NXPE2: variants seen among roughly 807,000 people sequenced by gnomAD.
The protein encoded by NXPE2 is neurexophilin and PC-esterase domain family member 2.
Under a neutral mutation model 34.4 loss-of-function variants are expected in NXPE2, and 34 were observed. The ratio of observed to expected loss-of-function variants is 0.99; its 90% CI spans 0.75 to 1.31. The LOEUF (loss-of-function observed/expected upper bound fraction) is 1.31. Ranked by LOEUF, NXPE2 falls within the 40% of genes most tolerant of loss-of-function variation. The probability of loss-of-function intolerance (pLI) is 0.00; values close to 1 mark genes in which losing one functional copy is unlikely to be tolerated. For missense variants in NXPE2, 649 were observed against 672.5 expected, an observed-to-expected ratio of 0.97 and a Z score of 0.39; for synonymous variants, 235 against 231.3, an observed-to-expected ratio of 1.02 and a Z score of -0.15.
the NXPE2 span, among the ~76,000 whole-genome samples, chr11:114,613,532 T>C: frequency 2.7e-5 from 4 of 148,276 alleles, no homozygotes; most frequent in African/African-American, 1.0e-4. Context: ...TCGTGGGTAA[T>C]CACTGTTACC....
chr11:114,754,354 T>G, the NXPE2 span, among the ~76,000 whole-genome samples: 1 of 152,020 alleles, frequency 6.6e-6, no homozygotes, highest in Non-Finnish European at 1.5e-5. Flanking sequence ...AGAGGTAAAG[T>G]GTCATGGAGG....
chr11:114,781,785 A>G, the NXPE2 span, among the ~76,000 whole-genome samples: 2 of 152,114 alleles, frequency 1.3e-5, no homozygotes, highest in African/African-American at 2.4e-5. Context: ...CTCCACCAGG[A>G]GTACAAACAG....
At chr11:114,617,484 C>T in the NXPE2 span, among the ~76,000 whole-genome samples, 1 of 152,134 alleles carries the variant, frequency 6.6e-6, no homozygotes, top group Middle Eastern at 3.4e-3. Context: ...TCAAATGTTG[C>T]CTCGTGGGTA....
At chr11:114,507,045 C>A in the NXPE2 span, among the ~76,000 whole-genome samples, 2 of 151,872 alleles carry the variant, frequency 1.3e-5, no homozygotes, top group African/African-American at 4.8e-5. Context: ...GGGAATATTA[C>A]CACTGACCCA....
the NXPE2 span, among the ~76,000 whole-genome samples, chr11:114,769,302 C>A: frequency 6.6e-6 from 1 of 151,930 alleles, no homozygotes; most frequent in East Asian, 1.9e-4. Context: ...ATTAAGAAGT[C>A]AGGAAACAAC....
At chr11:114,559,304 C>T in the NXPE2 span, among the ~76,000 whole-genome samples, 12 of 152,194 alleles carry the variant, frequency 7.9e-5, no homozygotes, top group Non-Finnish European at 1.6e-4. Flanking sequence ...GGAAACTTTC[C>T]AGCATAACTC....
chr11:114,662,719 GAT>G, the NXPE2 span, among the ~76,000 whole-genome samples: 2 of 152,078 alleles, frequency 1.3e-5, no homozygotes, highest in Admixed American at 6.5e-5. Flanking sequence ...GTCACAGCAG[GAT>G]AGGGTATGGG....
the NXPE2 span, among the ~76,000 whole-genome samples, chr11:114,638,753 A>C: frequency 6.6e-6 from 1 of 151,956 alleles, no homozygotes; most frequent in African/African-American, 2.4e-5. Context: ...TGCCTGGGTA[A>C]CAGCAGCAGT....
chr11:114,801,516 A>G, the NXPE2 span, among the ~76,000 whole-genome samples: 3 of 152,226 alleles, frequency 2.0e-5, no homozygotes, highest in Non-Finnish European at 4.4e-5. Context: ...GCAATTGTAG[A>G]AAGTTAAGCA....
At chr11:114,602,486 C>T in the NXPE2 span, among the ~76,000 whole-genome samples, 1 of 134,280 alleles carries the variant, frequency 7.4e-6, no homozygotes, top group Non-Finnish European at 1.5e-5. Flanking sequence ...TTATATATAA[C>T]ATATATTATC....
At chr11:114,727,765 T>A in the NXPE2 span, among the ~76,000 whole-genome samples, 1 of 101,742 alleles carries the variant, frequency 9.8e-6, no homozygotes, top group Admixed American at 1.1e-4. Flanking sequence ...CCCCCACCCA[T>A]GTGTACACAA....
intron 2 of NXPE2, among the ~76,000 whole-genome samples, chr11:114,694,281 T>G (rs771527762): frequency 6.6e-6 from 1 of 152,234 alleles, no homozygotes; most frequent in Non-Finnish European, 1.5e-5. Context: ...CTTAACATAT[T>G]CACAGGTTTT....
At chr11:114,709,283 G>A (rs1190629452), downstream of NXPE2, among the ~76,000 whole-genome samples, 3 of 152,100 alleles carry the variant, frequency 2.0e-5, no homozygotes, top group Non-Finnish European at 4.4e-5. Flanking sequence ...CATTGTAATT[G>A]GTTGCATTTT....
At chr11:114,661,664 A>C in the NXPE2 span, among the ~76,000 whole-genome samples, 1 of 152,220 alleles carries the variant, frequency 6.6e-6, no homozygotes, top group Non-Finnish European at 1.5e-5. Flanking sequence ...ATTTTGCATT[A>C]TCTGTATATT....
the NXPE2 span, among the ~76,000 whole-genome samples, chr11:114,741,041 T>C: frequency 6.6e-6 from 1 of 152,192 alleles, no homozygotes; most frequent in African/African-American, 2.4e-5. Flanking sequence ...TTCCTTTGTC[T>C]GGGAAAGTCT....
chr11:114,705,568 C>T (rs1951455313), intron 4 of NXPE2, among the ~76,000 whole-genome samples: 1 of 152,122 alleles, frequency 6.6e-6, no homozygotes, highest in South Asian at 2.1e-4. Context: ...TCAACAGATC[C>T]CCACTCCAAG....
the NXPE2 span, among the ~76,000 whole-genome samples, chr11:114,793,469 G>T: frequency 1.3e-5 from 2 of 152,112 alleles, no homozygotes; most frequent in Non-Finnish European, 2.9e-5. Context: ...GCTATTTATT[G>T]TTTGGAACTG....
At chr11:114,521,421 G>C in the NXPE2 span, among the ~76,000 whole-genome samples, 1 of 152,126 alleles carries the variant, frequency 6.6e-6, no homozygotes, top group Admixed American at 6.6e-5. Context: ...TCTGTTCCAT[G>C]ATATGATTCC....
the NXPE2 span, among the ~76,000 whole-genome samples, chr11:114,589,112 A>T: frequency 6.6e-6 from 1 of 152,094 alleles, no homozygotes; most frequent in Admixed American, 6.5e-5. Flanking sequence ...AAGTCAGAGG[A>T]CTTTAAAAAG....
Sources: allele counts gnomAD v4.1 joint callset (sites outside exome capture counted in the v4.1 genomes callset), GRCh38; gene constraint gnomAD v4.1.1; transcripts MANE v1.5; gene names NCBI Gene and HGNC (gene_info 2026-07-23, HGNC 2026-07-21).